Variants in GNAS observed in about 807,000 individuals in gnomAD.
GNAS encodes protein ALEX.
A neutral mutation model predicts 54.5 loss-of-function variants in GNAS; 8 were observed. The observed-to-expected ratio is 0.15, with a 90% CI of 0.09 to 0.26. The LOEUF (loss-of-function observed/expected upper bound fraction) is 0.26, where lower values mean the gene tolerates loss of function less well. Among genes scored for constraint, GNAS ranks in the 10% least tolerant of loss-of-function variants. The pLI is 1.00. For missense variants in GNAS, 170 were observed against 529.8 expected, an observed-to-expected ratio of 0.32 and a Z score of 6.67; for synonymous variants, 204 against 191.4, an observed-to-expected ratio of 1.07 and a Z score of -0.54.
chr20:58,910,864 C>T lies in GNAS; in HGVS notation c.*35C>T, dbSNP rs770203320. 1 of 1,595,784 alleles carries T rather than the reference C, an allele frequency of 6.3e-7. No individual in the cohort carries two copies. The highest frequency in any genetic ancestry group is 8.6e-7 in the Non-Finnish European group (1 of 1,163,578). ...CCCCAAATTTAATTAAAGCCTTAAG[C>T]ACAATTAATTAAAAGTGAAACGTAA... On this transcript the variant is annotated 3_prime_UTR_variant, in exon 13 of 13. Coordinates refer to ENST00000371085, the MANE Select transcript of GNAS (RefSeq NM_000516.7). This position sits in a 1 kb window ranked among gnomAD's most constrained non-coding sequence, Gnocchi z 5.8.
chr20:58,855,985 G>T (rs1236898655), intron 1 of GNAS: 2 of 269,750 alleles, frequency 7.4e-6, no homozygotes, highest in Non-Finnish European at 1.4e-5. Flanking sequence ...CTGCGCCCGG[G>T]CGCTCTGCGG....
At position 58,899,667 on chromosome 20, in the gene GNAS, A is replaced by G. The variant is rs35727453; in HGVS notation, c.257+682A>G. Among the ~76,000 whole-genome samples, 164 of 75,684 alleles carry G rather than the reference A, an allele frequency of 2.2e-3. 3 individuals are homozygous for G. The East Asian group carries it at 0.09, about 42-fold the overall frequency. 49.7% of individuals were successfully genotyped at this position (75,684 alleles called of 152,430 possible). A position where few individuals can be genotyped will look rare whatever the true frequency, so the allele number is the denominator to read the frequency against. On this transcript the variant is annotated intron_variant, in intron 3 of 12. Transcript: ENST00000371085. ...ACACCCATCACACACACACACACGCACACACATGCACATGCATACACAGAC... is the reference window on the plus strand; with the variant it reads ...ACACCCATCACACACACACACACGCGCACACATGCACATGCATACACAGAC...
At chr20:58,880,501 C>T (rs116726734) in intron 1 of GNAS, among the ~76,000 whole-genome samples, 135 of 152,124 alleles carry the variant, frequency 8.9e-4, no homozygotes, top group African/African-American at 3.2e-3. Context: ...TTAAGCAGAC[C>T]TCAGAATTCT....
intron 3 of GNAS, 58 bp downstream of exon 3, chr20:58,899,043 T>G: frequency 3.1e-6 from 4 of 1,292,696 alleles, no homozygotes; most frequent in Non-Finnish European, 4.5e-6. Flanking sequence ...ATGAAGATCA[T>G]ACTGGGAAAC....
intron 1 of GNAS, chr20:58,855,246 G>C: frequency 6.3e-7 from 1 of 1,591,006 alleles, no homozygotes; most frequent in East Asian, 2.3e-5. Flanking sequence ...CCAGAAGCGC[G>C]CAGAGAAGAA....
intron 1 of GNAS, among the ~76,000 whole-genome samples, chr20:58,879,434 A>G (rs2088073289): frequency 6.6e-6 from 1 of 152,198 alleles, no homozygotes. Context: ...TGTTCTGGGG[A>G]CCTTTTTGAC....
chr20:58,892,096 C>T lies in GNAS; in HGVS notation c.139+231C>T, dbSNP rs909314959. 33 of 966,114 alleles carry T rather than the reference C, an allele frequency of 3.4e-5. No homozygotes were observed. In the East Asian group the frequency reaches 8.2e-4, roughly 24 times the overall value. The allele number at this position is 966,114 out of a possible 1,614,324, so 59.8% of individuals were successfully genotyped here. A position where few individuals can be genotyped will look rare whatever the true frequency, so the allele number is the denominator to read the frequency against. On this transcript the variant is annotated intron_variant, in intron 1 of 12. Transcript: ENST00000371085. The stretch of plus-strand genomic sequence containing the variant: ...GGGCCGTGGCGACGCGGGCGCGGGT[C>T]CCCCTCCCCCGGCCTGCCCGCTCAG...
At chr20:58,891,905 C>A in intron 1 of GNAS, 40 bp downstream of exon 1, 2 of 995,814 alleles carry the variant, frequency 2.0e-6, no homozygotes, top group African/African-American at 1.8e-5. Context: ...GCCCGGGGGC[C>A]CTCGAAGGGC....
rs908393658 is a variant in GNAS, at chr20:58,873,287, A to C, written c.44-22325A>C. On this transcript the variant is annotated intron_variant, in intron 1 of 12. Transcript: ENST00000306090. This position sits in a 1 kb window ranked among gnomAD's most constrained non-coding sequence, Gnocchi z 4.3. ...CACGGTGGTTCTTCAGGAAGAAAGA[A>C]ATGTTGTTGGGAAATGTTTAGTGGA... Among the ~76,000 whole-genome samples, 2 of 152,184 alleles carry C rather than the reference A, an allele frequency of 1.3e-5. No homozygotes were observed. Among genetic ancestry groups the C allele is most frequent in the African/African-American group, 2.4e-5 (1 of 41,438 alleles).
rs1032266302 is a variant in GNAS, at chr20:58,853,797, C to A, written c.43+12911C>A. 2 of 1,610,130 alleles carry A rather than the reference C, an allele frequency of 1.2e-6. No homozygotes were observed. Among genetic ancestry groups the A allele is most frequent in the Non-Finnish European group, 1.7e-6 (2 of 1,178,436 alleles). ...TGCCCAGAGAGGCTGCAGTCAACTT[C>A]TCTTACAGGTCCCAGACCTTGCTCC... On this transcript the variant is annotated intron_variant, in intron 1 of 12. Transcript: ENST00000306090. The surrounding 1 kb of genome is among the most constrained non-coding windows in gnomAD (Gnocchi z 4.4).
intron 3 of GNAS, among the ~76,000 whole-genome samples, chr20:58,902,612 TA>T (rs1457539718): frequency 2.6e-5 from 4 of 151,552 alleles, no homozygotes; most frequent in African/African-American, 9.7e-5. Context: ...TAAGGCCTTC[TA>T]GGGGGTGGAA....
intron 1 of GNAS, among the ~76,000 whole-genome samples, chr20:58,864,755 T>A (rs927268851): frequency 6.6e-6 from 1 of 152,240 alleles, no homozygotes; most frequent in East Asian, 1.9e-4. Flanking sequence ...ACCAGCTTTT[T>A]ACTTTTACGC....
upstream of GNAS, chr20:58,840,074 G>A (rs1489482226): frequency 1.2e-6 from 2 of 1,607,372 alleles, no homozygotes; most frequent in South Asian, 1.1e-5. The surrounding 1 kb of genome is among the most constrained non-coding windows in gnomAD (Gnocchi z 6.0). Context: ...AGAGCCAGAG[G>A]GCAGGCCGGC....
intron 1 of GNAS, chr20:58,848,990 C>A: frequency 5.0e-6 from 2 of 398,316 alleles, no homozygotes; most frequent in South Asian, 2.6e-4. Context: ...TCTTCCTAGT[C>A]TTAATTTATC....
Position 58,855,387 on chromosome 20 carries a change from G to T in GNAS, c.43+14501G>T, listed in dbSNP as rs1359890329. ...GCAGGGCCGCCGGGGAACCGGGGAG[G>T]GGGTGGCAGGGCTGCCTGGTGGGGC... On this transcript the variant is annotated intron_variant, in intron 1 of 12. Transcript: ENST00000306090. 3.3e-6 allele frequency: 5 copies of T among 1,501,684 alleles called. No individual in the cohort carries two copies. The African/African-American group carries it at 4.2e-5, about 13-fold the overall frequency. The allele number at this position is 1,501,684 out of a possible 1,614,324, so 93.0% of individuals were successfully genotyped here. A position where few individuals can be genotyped will look rare whatever the true frequency, so the allele number is the denominator to read the frequency against.
chr20:58,889,474 C>T (rs554136561), upstream of GNAS: 5 of 367,482 alleles, frequency 1.4e-5, no homozygotes, highest in African/African-American at 1.1e-4. Flanking sequence ...CGGGGCGCCT[C>T]CGGGCACCCC....
At chr20:58,893,524 C>T (rs1269074694) in intron 1 of GNAS, among the ~76,000 whole-genome samples, 3 of 152,072 alleles carry the variant, frequency 2.0e-5, no homozygotes, top group Non-Finnish European at 2.9e-5. Flanking sequence ...ATTTATTTTC[C>T]TTTGGTGGCT....
At chr20:58,888,486 A>G (rs1222594172), upstream of GNAS, 2 of 152,154 alleles carry the variant, frequency 1.3e-5, no homozygotes, top group Non-Finnish European at 2.9e-5. Context: ...GGGACACTTG[A>G]GAGTTTTGAA....
rs955874990 is a variant in GNAS, at chr20:58,908,861, A to C, written c.531-301A>C. 2.4e-5 allele frequency: 12 copies of C among 492,522 alleles called. No homozygotes were observed. The South Asian group carries it at 2.4e-4, about 10-fold the overall frequency. 30.5% of individuals were successfully genotyped at this position (492,522 alleles called of 1,614,324 possible). On this transcript the variant is annotated intron_variant, in intron 6 of 12. Coordinates refer to ENST00000371085, the MANE Select transcript of GNAS (RefSeq NM_000516.7). ...TAAACACGAAGAACAAAGCCCCACCACCGTGCTGTGCTGTTTGTGTGGCCC... is the reference window on the plus strand; with the variant it reads ...TAAACACGAAGAACAAAGCCCCACCCCCGTGCTGTGCTGTTTGTGTGGCCC...
Sources: allele counts gnomAD v4.1 joint callset (sites outside exome capture counted in the v4.1 genomes callset), GRCh38; gene constraint gnomAD v4.1.1; non-coding constraint Gnocchi (gnomAD v3.1); transcripts MANE v1.5; gene names NCBI Gene and HGNC (gene_info 2026-07-23, HGNC 2026-07-21).